The following RBMS3 variants were observed in gnomAD, a reference collection of about 807,000 sequenced individuals.
The protein encoded by RBMS3 is RNA binding motif single stranded interacting protein 3.
A neutral mutation model predicts 66.8 loss-of-function variants in RBMS3; 27 were observed. The observed-to-expected ratio is 0.40, with a 90% CI of 0.30 to 0.56. RBMS3 has a LOEUF of 0.56. Among genes scored for constraint, RBMS3 ranks in the 20% least tolerant of loss-of-function variants. RBMS3 has a pLI of 0.40. For missense variants in RBMS3, 513 were observed against 549.5 expected, an observed-to-expected ratio of 0.93 and a Z score of 0.66; for synonymous variants, 188 against 183.0, an observed-to-expected ratio of 1.03 and a Z score of -0.22.
intron 4 of RBMS3, among the ~76,000 whole-genome samples, chr3:29,663,476 C>T (rs2050634515): frequency 6.6e-6 from 1 of 152,264 alleles, no homozygotes; most frequent in South Asian, 2.1e-4. Flanking sequence ...TCTTTGTGGC[C>T]TTTAATGAAC....
intron 2 of RBMS3, among the ~76,000 whole-genome samples, chr3:29,458,282 T>C (rs1188411775): frequency 1.3e-5 from 2 of 152,094 alleles, no homozygotes; most frequent in East Asian, 1.9e-4. Flanking sequence ...GTGCTACACA[T>C]AGATATATAG....
At chr3:29,479,755 G>T (rs1276348012) in intron 2 of RBMS3, among the ~76,000 whole-genome samples, 1 of 152,040 alleles carries the variant, frequency 6.6e-6, no homozygotes. Flanking sequence ...TTTTTCCTTT[G>T]CATTGCTTTG....
intron 4 of RBMS3, among the ~76,000 whole-genome samples, chr3:29,643,820 G>A (rs1472745847): frequency 1.3e-5 from 2 of 152,044 alleles, no homozygotes; most frequent in South Asian, 2.1e-4. Flanking sequence ...TATTGATCTC[G>A]TCTCATTTCT....
At chr3:29,997,067 A>T (rs1012019504) in intron 14 of RBMS3, among the ~76,000 whole-genome samples, 1 of 151,680 alleles carries the variant, frequency 6.6e-6, no homozygotes. Context: ...TAGACGCAAT[A>T]AAAAATGATA....
intron 4 of RBMS3, among the ~76,000 whole-genome samples, chr3:29,673,578 A>C (rs1369597890): frequency 6.6e-6 from 1 of 152,148 alleles, no homozygotes; most frequent in African/African-American, 2.4e-5. Flanking sequence ...TGATATCACC[A>C]CCAATCCCAC....
chr3:29,795,504 G>T (rs933897269), intron 6 of RBMS3, among the ~76,000 whole-genome samples: 1 of 152,154 alleles, frequency 6.6e-6, no homozygotes, highest in African/African-American at 2.4e-5. Context: ...CCACACCAGA[G>T]CATCAACTTT....
chr3:29,667,765 C>T (rs1026967204), intron 4 of RBMS3, among the ~76,000 whole-genome samples: 4 of 152,032 alleles, frequency 2.6e-5, no homozygotes. Context: ...TTTTAGAAAT[C>T]TCTAAGCCCA....
intron 12 of RBMS3, among the ~76,000 whole-genome samples, chr3:29,952,327 A>T (rs186815912): frequency 2.0e-5 from 3 of 151,966 alleles, no homozygotes; most frequent in Non-Finnish European, 2.9e-5. Flanking sequence ...CACCTACCAG[A>T]AGATCAATAT....
intron 6 of RBMS3, among the ~76,000 whole-genome samples, chr3:29,802,590 T>C (rs950594600): frequency 4.6e-5 from 7 of 152,222 alleles, no homozygotes; most frequent in Non-Finnish European, 8.8e-5. Context: ...TGCCCACGTG[T>C]CAATGAAATA....
At chr3:29,472,359 C>T (rs1368608709) in intron 2 of RBMS3, among the ~76,000 whole-genome samples, 1 of 152,046 alleles carries the variant, frequency 6.6e-6, no homozygotes, top group African/African-American at 2.4e-5. Flanking sequence ...TCACGCCCAG[C>T]TAATTTTTGT....
Position 29,562,406 on chromosome 3 carries a change from G to T in RBMS3, c.308-24708G>T, listed in dbSNP as rs75635511. Reference sequence around the variant, plus strand: ...AAAGTACGTTTCAGAGAATTAAAATGCATTTAAAAATTTTAAAAATAGTGC... The same window carrying T: ...AAAGTACGTTTCAGAGAATTAAAATTCATTTAAAAATTTTAAAAATAGTGC... On this transcript the variant is annotated intron_variant, in intron 3 of 14. Transcript: ENST00000383767. 9.0e-3 allele frequency among the ~76,000 whole-genome samples: 1,371 copies of T among 152,124 alleles called. 23 individuals carry two copies. Among genetic ancestry groups the T allele is most frequent in the African/African-American group, 0.031 (1,306 of 41,490 alleles).
At chr3:29,982,552 T>C (rs1334079601) in intron 12 of RBMS3, among the ~76,000 whole-genome samples, 1 of 152,218 alleles carries the variant, frequency 6.6e-6, no homozygotes, top group Non-Finnish European at 1.5e-5. Flanking sequence ...AGTGGGCATT[T>C]AGTGCTATCA....
intron 6 of RBMS3, among the ~76,000 whole-genome samples, chr3:29,847,223 C>T (rs1356025691): frequency 6.6e-6 from 1 of 152,108 alleles, no homozygotes; most frequent in Non-Finnish European, 1.5e-5. Context: ...AGCAAGAGGT[C>T]TTCTTTTCTG....
At chr3:29,821,672 A>G (rs4680853) in intron 6 of RBMS3, among the ~76,000 whole-genome samples, 62,288 of 152,078 alleles carry the variant, frequency 0.41, 13,281 homozygotes, top group Non-Finnish European at 0.47. Flanking sequence ...TATTCTCTGG[A>G]AAGTACAACG....
intron 6 of RBMS3, among the ~76,000 whole-genome samples, chr3:29,854,498 A>G (rs1164883130): frequency 1.3e-5 from 2 of 152,126 alleles, no homozygotes; most frequent in African/African-American, 4.8e-5. Context: ...CCTTCTCTCT[A>G]CTCCGCTAAA....
At chr3:29,306,388 C>A (rs1184299678) in intron 1 of RBMS3, among the ~76,000 whole-genome samples, 8 of 151,952 alleles carry the variant, frequency 5.3e-5, no homozygotes, top group Non-Finnish European at 1.0e-4. Flanking sequence ...CAGACCTTCT[C>A]TTGCTCCTTC....
chr3:29,568,948 G>C (rs1012330112), intron 3 of RBMS3, among the ~76,000 whole-genome samples: 2 of 152,138 alleles, frequency 1.3e-5, no homozygotes, highest in African/African-American at 4.8e-5. Flanking sequence ...AGTCCAGGGA[G>C]TCTCAATCTT....
chr3:29,918,451 A>C (rs957687651), intron 10 of RBMS3, among the ~76,000 whole-genome samples: 1 of 152,134 alleles, frequency 6.6e-6, no homozygotes, highest in African/African-American at 2.4e-5. Context: ...TTTGTGTCCT[A>C]AGGTTAGTTA....
At chr3:29,578,444 G>A (rs2047198244) in intron 3 of RBMS3, among the ~76,000 whole-genome samples, 1 of 152,122 alleles carries the variant, frequency 6.6e-6, no homozygotes, top group Non-Finnish European at 1.5e-5. Context: ...AAAGTAATCT[G>A]GAGTATAAGA....
Sources: allele counts gnomAD v4.1 joint callset (sites outside exome capture counted in the v4.1 genomes callset), GRCh38; gene constraint gnomAD v4.1.1; transcripts MANE v1.5; gene names NCBI Gene and HGNC (gene_info 2026-07-23, HGNC 2026-07-21).